Variants in ZNF469 observed in about 807,000 individuals in gnomAD.
ZNF469 encodes zinc finger protein 469.
ZNF469 carries 1 observed loss-of-function variant against 1.0 expected under a neutral mutation model. The observed-to-expected ratio is 1.00, with a 90% CI of 0.35 to 4.73. The LOEUF (loss-of-function observed/expected upper bound fraction) is 4.73. Among genes scored for constraint, ZNF469 ranks in the 30% most tolerant of loss-of-function variants. ZNF469 has a pLI of 0.16. For synonymous variants in ZNF469, 2,703 were observed against 2,363.4 expected (o/e 1.14, Z -4.17); for missense variants, 6,100 against 5,356.3 (o/e 1.14, Z -4.33).
the ZNF469 span, among the ~76,000 whole-genome samples, chr16:88,282,119 A>G: frequency 0.016 from 2,371 of 152,276 alleles, 17 homozygotes; most frequent in Middle Eastern, 0.037. Flanking sequence ...AGATAAGGAA[A>G]TGTAATCTCG....
At chr16:88,223,948 C>T in the ZNF469 span, among the ~76,000 whole-genome samples, 1 of 152,214 alleles carries the variant, frequency 6.6e-6, no homozygotes, top group South Asian at 2.1e-4. Context: ...GCCGAATGAA[C>T]GAGCGGAGGA....
At chr16:88,359,914 C>T in the ZNF469 span, among the ~76,000 whole-genome samples, 3 of 152,328 alleles carry the variant, frequency 2.0e-5, no homozygotes, top group African/African-American at 7.2e-5. Flanking sequence ...TTTTTTGATG[C>T]ATTTCAAAGT....
chr16:88,430,040 A>G lies in ZNF469; in HGVS notation c.2570A>G (p.Asn857Ser), dbSNP rs1160897062. Residue 857 changes from asparagine (N) to serine (S), a missense_variant, in exon 3 of 3, where the codon AAC becomes AGC. Asn to Ser is a conservative substitution (Grantham distance 46). Transcript: ENST00000565624. ...ALNGMEYQSD[N>S]PEIDSSFIDV... ...AACGGCATGGAGTACCAGTCGGACA[A>G]CCCGGAGATCGACAGCAGCTTCATC... 1 of 1,550,334 alleles carries G rather than the reference A, an allele frequency of 6.5e-7. No individual in the cohort carries two copies. Among genetic ancestry groups the G allele is most frequent in the Non-Finnish European group, 8.7e-7 (1 of 1,146,968 alleles).
the ZNF469 span, among the ~76,000 whole-genome samples, chr16:88,323,027 T>G: frequency 6.6e-6 from 1 of 152,194 alleles, no homozygotes; most frequent in African/African-American, 2.4e-5. Flanking sequence ...ATCTGGAAGT[T>G]GTTAGCTGTT....
the ZNF469 span, among the ~76,000 whole-genome samples, chr16:88,333,104 G>A: frequency 6.6e-6 from 1 of 152,216 alleles, no homozygotes; most frequent in Non-Finnish European, 1.5e-5. Flanking sequence ...CTGGGATCAT[G>A]TGCCCACTGC....
Position 88,430,317 on chromosome 16 carries a change from G to A in ZNF469, c.2847G>A (p.Lys949=), listed in dbSNP as rs1906054456. The change falls in exon 3 of 3, where the codon AAG becomes AAA. Residue 949 remains lysine, a synonymous_variant. Coordinates refer to ENST00000565624, the MANE Select transcript of ZNF469 (RefSeq NM_001367624.2). The part of the protein sequence containing the change: ...PSQGRQQRRG[K]QLKLFRKDLD... ...AGGGCAGGCAGCAGAGGAGGGGGAAGCAGTTGAAGCTGTTCCGGAAGGATC... is the reference window on the plus strand; with the variant it reads ...AGGGCAGGCAGCAGAGGAGGGGGAAACAGTTGAAGCTGTTCCGGAAGGATC... 7 of 1,514,740 alleles carry A rather than the reference G, an allele frequency of 4.6e-6. No homozygotes were observed. Among genetic ancestry groups the A allele is most frequent in the Non-Finnish European group, 6.2e-6 (7 of 1,135,024 alleles). The allele number at this position is 1,514,740 out of a possible 1,614,324, so 93.8% of individuals were successfully genotyped here.
At chr16:88,242,425 G>A in the ZNF469 span, among the ~76,000 whole-genome samples, 1 of 152,106 alleles carries the variant, frequency 6.6e-6, no homozygotes, top group African/African-American at 2.4e-5. Context: ...CCTTCTCCTT[G>A]TGACCTCACT....
At chr16:88,269,504 C>G in the ZNF469 span, among the ~76,000 whole-genome samples, 1 of 151,996 alleles carries the variant, frequency 6.6e-6, no homozygotes, top group African/African-American at 2.4e-5. Flanking sequence ...TTATTTTTAT[C>G]TTTTCTCAAC....
the ZNF469 span, among the ~76,000 whole-genome samples, chr16:88,113,101 C>T: frequency 6.6e-5 from 10 of 152,084 alleles, no homozygotes; most frequent in South Asian, 4.1e-4. Context: ...CTTTTTAGCT[C>T]GAGGTGGCCC....
the ZNF469 span, among the ~76,000 whole-genome samples, chr16:88,188,128 G>A: frequency 6.6e-6 from 1 of 152,044 alleles, no homozygotes; most frequent in Admixed American, 6.5e-5. Flanking sequence ...CTGTGCCTCT[G>A]CCCGTGCCGT....
chr16:88,430,595 G>C lies in ZNF469; in HGVS notation c.3125G>C (p.Arg1042Pro), dbSNP rs181077813. Residue 1042 changes from arginine (R) to proline (P), a missense_variant, in exon 3 of 3, where the codon CGG (arginine) becomes CCG (proline). Arg to Pro is a moderately radical substitution (Grantham distance 103). Coordinates refer to ENST00000565624, the MANE Select transcript of ZNF469 (RefSeq NM_001367624.2). ...PRKDPRKRKA[R>P]GGAWGKELIL... ...AAGGACCCCAGGAAGAGGAAGGCTC[G>C]GGGCGGCGCCTGGGGCAAGGAGCTC... The C allele has an allele frequency of 6.7e-7, 1 of 1,499,556 alleles. No homozygotes were observed. Among genetic ancestry groups the C allele is most frequent in the Admixed American group, 2.1e-5 (1 of 47,548 alleles). 92.9% of individuals were successfully genotyped at this position (1,499,556 alleles called of 1,614,324 possible).
the ZNF469 span, chr16:88,195,100 A>G: frequency 6.6e-6 from 1 of 152,152 alleles, no homozygotes; most frequent in Admixed American, 6.5e-5. Context: ...CGAGGAGGTG[A>G]TGGGCTTCAA....
the ZNF469 span, among the ~76,000 whole-genome samples, chr16:88,229,957 CT>C: frequency 9.8e-4 from 150 of 152,328 alleles, no homozygotes; most frequent in African/African-American, 3.4e-3. Flanking sequence ...CTCTGTGCCA[CT>C]CTGGTTGGGT....
At position 88,429,614 on chromosome 16, in the gene ZNF469, A is replaced by T; in HGVS notation, c.2144A>T (p.His715Leu). Residue 715 changes from histidine (H) to leucine (L), a missense_variant, in exon 3 of 3, where the codon CAC (histidine) becomes CTC (leucine). His to Leu is a moderately conservative substitution (Grantham distance 99). Coordinates refer to ENST00000565624, the MANE Select transcript of ZNF469 (RefSeq NM_001367624.2). ...FPRAPPPYPT[H>L]HFSLSSASLD... Reference sequence around the variant, plus strand: ...CGTGCGCCGCCTCCGTACCCCACACACCACTTCTCCCTCAGCAGCGCCAGC... The same window carrying T: ...CGTGCGCCGCCTCCGTACCCCACACTCCACTTCTCCCTCAGCAGCGCCAGC... 1.3e-6 allele frequency: 2 copies of T among 1,546,934 alleles called. No homozygotes were observed. The highest frequency in any genetic ancestry group is 1.7e-6 in the Non-Finnish European group (2 of 1,144,766).
chr16:88,428,231 A>T lies in ZNF469; in HGVS notation c.761A>T (p.Glu254Val). The stretch of plus-strand genomic sequence containing the variant: ...GCTAATTTCGGGGTTCCCCCCGCCG[A>T]GCCGGAACCTATTCCCAAAGGCAGC... ...PGANFGVPPA[E>V]PEPIPKGSRP... Residue 254 changes from glutamate to valine, a missense_variant, in exon 3 of 3, where the codon GAG (glutamate) becomes GTG (valine). Coordinates refer to ENST00000565624, the MANE Select transcript of ZNF469 (RefSeq NM_001367624.2). 1 of 1,550,242 alleles carries T rather than the reference A, an allele frequency of 6.5e-7. No homozygotes were observed. Among genetic ancestry groups the T allele is most frequent in the South Asian group, 1.2e-5 (1 of 84,062 alleles).
the ZNF469 span, among the ~76,000 whole-genome samples, chr16:88,312,340 T>C: frequency 3.9e-5 from 6 of 152,254 alleles, no homozygotes; most frequent in African/African-American, 1.4e-4. Flanking sequence ...TATAGGTTGC[T>C]GGGATTTACC....
the ZNF469 span, among the ~76,000 whole-genome samples, chr16:88,243,917 T>C: frequency 0.017 from 865 of 51,484 alleles, 9 homozygotes; most frequent in Non-Finnish European, 0.021. Context: ...GATGCATATA[T>C]ATATATATAT....
chr16:88,243,421 C>A, the ZNF469 span, among the ~76,000 whole-genome samples: 1 of 152,196 alleles, frequency 6.6e-6, no homozygotes, highest in Non-Finnish European at 1.5e-5. Flanking sequence ...GAAGTTTCCT[C>A]AGATTCTCCA....
At chr16:88,347,564 G>A in the ZNF469 span, among the ~76,000 whole-genome samples, 15 of 152,238 alleles carry the variant, frequency 9.9e-5, no homozygotes, top group East Asian at 1.9e-3. Context: ...GAACTGTGAC[G>A]ATAAACTCCC....
Sources: gnomAD v4.1 joint callset for allele counts (sites outside exome capture counted in the v4.1 genomes callset) on GRCh38, gnomAD v4.1.1 for gene constraint, MANE v1.5 for transcripts, NCBI Gene and HGNC (gene_info 2026-07-23, HGNC 2026-07-21) for gene names.